The following STK36 variants were observed in gnomAD, a reference collection of about 807,000 sequenced individuals.
STK36 encodes the protein serine/threonine-protein kinase 36.
Under a neutral mutation model 142.2 loss-of-function variants are expected in STK36, and 116 were observed. The observed-to-expected ratio is 0.82, with a 90% CI of 0.70 to 0.95. STK36 has a LOEUF of 0.95. Among genes scored for constraint, STK36 ranks in the 40% least tolerant of loss-of-function variants. The pLI is 0.00. For synonymous variants in STK36, 619 were observed against 641.7 expected, an observed-to-expected ratio of 0.96 and a Z score of 0.53; for missense variants, 1,422 against 1,617.2, an observed-to-expected ratio of 0.88 and a Z score of 2.07.
At chr2:218,677,119 G>C (rs575732243) in intron 6 of STK36, among the ~76,000 whole-genome samples, 12 of 152,106 alleles carry the variant, frequency 7.9e-5, no homozygotes, top group Non-Finnish European at 1.6e-4. Context: ...TTTTAGTAGA[G>C]ATGAGGTTTC....
At position 218,692,184 on chromosome 2, in the gene STK36, G is replaced by A. The variant is rs1941027133; in HGVS notation, c.1806G>A (p.Arg602=). ...GCGAAGCCATGGATGGGAACAGCCG[G>A]GCCATCTCCAAAGCCTTTTACTCCA... The part of the protein sequence containing the change: ...VLCEAMDGNS[R]AISKAFYSSL... Residue 602 remains arginine, a synonymous_variant, in exon 15 of 27, where the codon CGG becomes CGA. Transcript: ENST00000295709. 4 of 1,614,054 alleles carry A rather than the reference G, an allele frequency of 2.5e-6. No individual in the cohort carries two copies. The East Asian group carries it at 6.7e-5, about 27-fold the overall frequency.
chr2:218,702,076 C>T lies in STK36; in HGVS notation c.*67C>T, dbSNP rs1559348765. 16 of 1,577,804 alleles carry T rather than the reference C, an allele frequency of 1.0e-5. No individual in the cohort carries two copies. The highest frequency in any genetic ancestry group is 1.3e-5 in the Non-Finnish European group (15 of 1,161,106). ...CTCTTTCTTATTCTACTACACAAGC[C>T]GCCAACTCAACTGAGAGCTAAAGAG... On this transcript the variant is annotated 3_prime_UTR_variant, in exon 27 of 27. Coordinates refer to ENST00000295709, the MANE Select transcript of STK36 (RefSeq NM_015690.5).
chr2:218,673,032 A>G (rs1940058480), intron 2 of STK36, 119 bp downstream of exon 2: 6 of 864,740 alleles, frequency 6.9e-6, no homozygotes, highest in South Asian at 6.4e-5. Context: ...TGACTCCCTC[A>G]TACTTCTTAT....
rs774222601 is a variant in STK36 at position 218,679,554 on chromosome 2, C to T, written c.779-6C>T. 2.7e-5 allele frequency: 44 copies of T among 1,612,874 alleles called. No individual in the cohort carries two copies. The highest frequency in any genetic ancestry group is 3.6e-5 in the Non-Finnish European group (42 of 1,179,452). ...ATCATGTCTTCCTCCTCTTCCCTCC[C>T]TGCAGTAATAACTGAGCCAGCAGGC... On this transcript the variant is annotated splice_region_variant and splice_polypyrimidine_tract_variant and intron_variant, in intron 7 of 26. Coordinates refer to ENST00000295709, the MANE Select transcript of STK36 (RefSeq NM_015690.5).
In STK36 at chr2:218,673,658, C is replaced by T. The variant is rs775486329; in HGVS notation, c.118C>T (p.Arg40Cys). The T allele has an allele frequency of 4.3e-6, 7 of 1,613,940 alleles. No homozygotes were observed. The highest frequency in any genetic ancestry group is 4.2e-6 in the Non-Finnish European group (5 of 1,180,006). The change falls in exon 3 of 27, where the codon CGC becomes TGC. Residue 40 changes from arginine (R) to cysteine (C), a missense_variant. By Grantham distance (180) the Arg-to-Cys change is radical (BLOSUM62 -3). This residue lies in a region of STK36 where 460 missense variants were observed against 449.6 expected (regional missense o/e 1.02). Coordinates refer to ENST00000295709, the MANE Select transcript of STK36 (RefSeq NM_015690.5). The part of the protein sequence containing the change: ...VALKFIPKLG[R>C]SEKELRNLQR... ...CCTGAAGTTCATCCCAAAATTGGGG[C>T]GCTCAGAGAAGGAGCTGAGGAATTT...
rs1940045997 is a variant in STK36, at chr2:218,672,787, C to T, written c.-43C>T. The stretch of plus-strand genomic sequence containing the variant: ...TGTCCCTGGATCTATAGCTCTTCAC[C>T]GTCTCTACTTTCTTCCTTCTAAGAG... On this transcript the variant is annotated 5_prime_UTR_variant, in exon 2 of 27. Transcript: ENST00000295709. 6.3e-7 allele frequency: 1 copy of T among 1,594,860 alleles called. No individual in the cohort carries two copies. Among genetic ancestry groups the T allele is most frequent in the Non-Finnish European group, 8.6e-7 (1 of 1,162,790 alleles).
chr2:218,700,293 T>C (rs1242663595), intron 26 of STK36, among the ~76,000 whole-genome samples: 1 of 152,126 alleles, frequency 6.6e-6, no homozygotes, highest in East Asian at 1.9e-4. Flanking sequence ...AACCTCTGCC[T>C]CCAGGTTCAG....
At position 218,702,190 on chromosome 2, in the gene STK36, G is replaced by C. The variant is rs1336499091; in HGVS notation, c.*181G>C. ...AAGCTTCTTCCTTCTCCCAGATGCA[G>C]GATGTTTTCAACCAGTAAATTTTAT... On this transcript the variant is annotated 3_prime_UTR_variant, in exon 27 of 27. Coordinates refer to ENST00000295709, the MANE Select transcript of STK36 (RefSeq NM_015690.5). 2.8e-6 allele frequency: 2 copies of C among 725,398 alleles called. No individual in the cohort carries two copies. The highest frequency in any genetic ancestry group is 4.1e-6 in the Non-Finnish European group (2 of 488,370). The allele number at this position is 725,398 out of a possible 1,614,324, so 44.9% of individuals were successfully genotyped here. A position where few individuals can be genotyped will look rare whatever the true frequency, so the allele number is the denominator to read the frequency against.
At chr2:218,680,762 A>T (rs1940481897) in intron 10 of STK36, 60 bp downstream of exon 10, 2 of 1,462,918 alleles carry the variant, frequency 1.4e-6, no homozygotes, top group Non-Finnish European at 1.9e-6. Context: ...GTCTAGGTAG[A>T]TGTTTTTCTA....
chr2:218,701,817 C>G (rs142131976), intron 26 of STK36, 49 bp from the exon 27 acceptor site: 2 of 1,600,746 alleles, frequency 1.2e-6, no homozygotes, highest in African/African-American at 2.7e-5. Flanking sequence ...CAGACACCAC[C>G]ATTTCTGAGC....
intron 10 of STK36, among the ~76,000 whole-genome samples, chr2:218,682,655 G>A (rs1357989321): frequency 6.6e-6 from 1 of 152,006 alleles, no homozygotes; most frequent in African/African-American, 2.4e-5. Context: ...GTGCAATGAT[G>A]TGATCTCGGC....
chr2:218,679,118 A>G, intron 6 of STK36, 50 bp from the exon 7 acceptor site: 2 of 1,558,106 alleles, frequency 1.3e-6, no homozygotes, highest in Admixed American at 3.4e-5. Flanking sequence ...ATAGAGAGAG[A>G]CTTAAGGGAA....
intron 11 of STK36, among the ~76,000 whole-genome samples, chr2:218,686,044 A>G (rs140775112): frequency 4.1e-4 from 62 of 151,776 alleles, no homozygotes; most frequent in African/African-American, 1.4e-3. Flanking sequence ...GGTTTAAGCA[A>G]TTCTCTGCCT....
intron 25 of STK36, 105 bp from the exon 26 acceptor site, chr2:218,698,497 C>T: frequency 7.1e-7 from 1 of 1,402,650 alleles, no homozygotes; most frequent in Non-Finnish European, 9.7e-7. Flanking sequence ...CTCTCTGTGG[C>T]ATTTCTCACC....
chr2:218,685,108 G>A lies in STK36; in HGVS notation c.1260G>A (p.Trp420Ter). 6.2e-7 allele frequency: 1 copy of A among 1,614,068 alleles called. No individual in the cohort carries two copies. The highest frequency in any genetic ancestry group is 8.5e-7 in the Non-Finnish European group (1 of 1,179,996). ...AGGAGCCAGACAGTGACAATGAGTG[G>A]CAGCACCTGCTAGAGACCACTGAGC... ...ENEEPDSDNE[W>*]QHLLETTEPV... is the part of the protein sequence containing the mutation. Residue 420 changes from tryptophan (W) to a stop codon, truncating the protein, a stop_gained, in exon 11 of 27, where the codon TGG (tryptophan) becomes TGA (stop). Coordinates refer to ENST00000295709, the MANE Select transcript of STK36 (RefSeq NM_015690.5). LOFTEE classifies it high-confidence loss of function.
At chr2:218,692,109 G>T in intron 14 of STK36, 34 bp from the exon 15 acceptor site, 2 of 1,598,392 alleles carry the variant, frequency 1.3e-6, no homozygotes, top group Non-Finnish European at 1.7e-6. Flanking sequence ...GTCTTCTGAT[G>T]CCCTGATGCT....
rs781570355 is a variant in STK36, at chr2:218,680,687, G to T, written c.1221G>T (p.Val407=). The change falls in exon 10 of 27, where the codon GTG becomes GTT. Residue 407 remains valine, a synonymous_variant. Transcript: ENST00000295709. ...TGGGCCAGCGGAGCACTGATGTAGT[G>T]GACCTGGAAAATGAGGTGAGCCCTA... is the stretch of plus-strand genomic sequence containing the variant. ...EVLGQRSTDV[V]DLENEEPDSD... 6.2e-7 allele frequency: 1 copy of T among 1,612,562 alleles called. No homozygotes were observed. The highest frequency in any genetic ancestry group is 1.1e-5 in the South Asian group (1 of 90,500).
At position 218,699,283 on chromosome 2, in the gene STK36, C is replaced by G. The variant is rs751010203; in HGVS notation, c.3739C>G (p.Pro1247Ala). ...LLEMACGDPQPNVKEAALIAL... is the reference protein window; with the variant it reads ...LLEMACGDPQANVKEAALIAL... ...AGAAATGGCATGTGGAGACCCCCAG[C>G]CAAATGTGAAGGAGGCTGCCCTCAT... Residue 1247 changes from proline to alanine, a missense_variant, in exon 26 of 27, where the codon CCA becomes GCA. Around this residue, in one of 2 missense-constraint regions of STK36, gnomAD observed 962 missense variants for 1,167.5 expected, o/e 0.82. Transcript: ENST00000295709. The G allele has an allele frequency of 6.2e-7, 1 of 1,614,080 alleles. No homozygotes were observed. The highest frequency in any genetic ancestry group is 1.1e-5 in the South Asian group (1 of 91,076).
Position 218,698,572 on chromosome 2 carries a change from C to T in STK36, c.3058-30C>T, listed in dbSNP as rs1373153503. The T allele has an allele frequency of 3.1e-6, 5 of 1,602,888 alleles. No individual in the cohort carries two copies. The South Asian group carries it at 4.5e-5, about 14-fold the overall frequency. On this transcript the variant is annotated intron_variant, in intron 25 of 26. Transcript: ENST00000295709. ...TATAGCTGCATATACTCTCTCTCTC[C>T]CTGAATCCTTTTACCTCCTGTTCTC...
Sources: gnomAD v4.1 joint callset for allele counts (sites outside exome capture counted in the v4.1 genomes callset) on GRCh38, gnomAD v4.1.1 for gene constraint, gnomAD v4.1.1 regional missense constraint, MANE v1.5 for transcripts, NCBI Gene and HGNC (gene_info 2026-07-23, HGNC 2026-07-21) for gene names.